Variants in CDH12 observed in about 807,000 individuals in gnomAD.
CDH12 encodes the protein cadherin 12, also known as cadherin-12.
In CDH12, 41 loss-of-function variants were observed where a neutral mutation model predicts 74.1. That is an observed-to-expected ratio of 0.55 (90% CI 0.43 to 0.72). The LOEUF is 0.72. CDH12 is among the 30% of genes least tolerant of loss of function. The pLI, the probability that CDH12 is intolerant of heterozygous loss-of-function variation, is 0.00. For missense variants in CDH12, 945 were observed against 977.2 expected (o/e 0.97, Z 0.44); for synonymous variants, 399 against 355.0 (o/e 1.12, Z -1.39).
intron 8 of CDH12, among the ~76,000 whole-genome samples, chr5:21,826,533 T>G (rs6887681): frequency 6.6e-6 from 1 of 152,040 alleles, no homozygotes. Flanking sequence ...TGCTAACTGG[T>G]CTTCTGACAT....
intron 3 of CDH12, among the ~76,000 whole-genome samples, chr5:22,330,478 C>T (rs778697560): frequency 7.2e-5 from 11 of 152,018 alleles, no homozygotes; most frequent in African/African-American, 1.4e-4. Flanking sequence ...AGGGGCCAAG[C>T]GTGGTGGCTC....
intron 1 of CDH12, among the ~76,000 whole-genome samples, chr5:22,644,504 A>T (rs960581482): frequency 1.3e-5 from 2 of 152,082 alleles, no homozygotes; most frequent in Non-Finnish European, 2.9e-5. Context: ...GAAGCTATAG[A>T]AAAAAGACAG....
At chr5:21,946,484 A>C (rs1436485189) in intron 6 of CDH12, among the ~76,000 whole-genome samples, 1 of 152,218 alleles carries the variant, frequency 6.6e-6, no homozygotes. Context: ...AAAAGTAGTG[A>C]TAGTAAAGAG....
At chr5:22,737,757 T>C (rs554028042) in intron 1 of CDH12, among the ~76,000 whole-genome samples, 8 of 152,016 alleles carry the variant, frequency 5.3e-5, no homozygotes, top group Non-Finnish European at 1.2e-4. Flanking sequence ...GCCTAGAACT[T>C]TTGGTGGGAA....
At chr5:21,825,030 C>T (rs549562790) in intron 8 of CDH12, among the ~76,000 whole-genome samples, 24 of 151,616 alleles carry the variant, frequency 1.6e-4, no homozygotes, top group African/African-American at 5.3e-4. Flanking sequence ...AGTGTGTGCC[C>T]GTAATCCCAG....
intron 3 of CDH12, among the ~76,000 whole-genome samples, chr5:22,273,017 GACTC>G (rs1736469358): frequency 2.0e-5 from 3 of 152,094 alleles, no homozygotes; most frequent in Non-Finnish European, 4.4e-5. Context: ...ACTCTTGTGT[GACTC>G]ACTCACTATC....
intron 2 of CDH12, among the ~76,000 whole-genome samples, chr5:22,463,088 G>T (rs1396349928): frequency 6.6e-6 from 1 of 152,070 alleles, no homozygotes; most frequent in Non-Finnish European, 1.5e-5. Context: ...ATATAATCAA[G>T]AAAGTATCCA....
chr5:22,318,882 G>GA (rs1045201588), intron 3 of CDH12, among the ~76,000 whole-genome samples: 19 of 149,678 alleles, frequency 1.3e-4, no homozygotes, highest in South Asian at 4.2e-4. Flanking sequence ...TCTGGTAGGG[G>GA]AAAAAAAAAC....
chr5:21,987,888 T>C (rs1461221289), intron 5 of CDH12, among the ~76,000 whole-genome samples: 2 of 152,014 alleles, frequency 1.3e-5, no homozygotes, highest in African/African-American at 4.8e-5. Context: ...TTTACCATCT[T>C]TTCTCCCAGT....
At chr5:22,094,361 C>T (rs930452178) in intron 4 of CDH12, among the ~76,000 whole-genome samples, 2 of 152,078 alleles carry the variant, frequency 1.3e-5, no homozygotes, top group African/African-American at 4.8e-5. Flanking sequence ...TTACGGAGAA[C>T]CACAAAGATT....
chr5:22,308,157 G>C (rs914830635), intron 3 of CDH12, among the ~76,000 whole-genome samples: 2 of 152,010 alleles, frequency 1.3e-5, no homozygotes, highest in Non-Finnish European at 2.9e-5. Context: ...TAGGATTACA[G>C]GCGTGAGCCC....
intron 1 of CDH12, among the ~76,000 whole-genome samples, chr5:22,509,563 A>G (rs1736518298): frequency 6.6e-6 from 1 of 152,134 alleles, no homozygotes; most frequent in Non-Finnish European, 1.5e-5. Flanking sequence ...AAGGGTATGA[A>G]TGGCTTCCAT....
chr5:22,328,996 A>C (rs1739238251), intron 3 of CDH12, among the ~76,000 whole-genome samples: 1 of 152,220 alleles, frequency 6.6e-6, no homozygotes, highest in Non-Finnish European at 1.5e-5. Context: ...CTTAGAATAA[A>C]TCCTAGAAAG....
intron 8 of CDH12, among the ~76,000 whole-genome samples, chr5:21,819,157 C>G (rs911608568): frequency 1.3e-5 from 2 of 151,872 alleles, no homozygotes; most frequent in African/African-American, 4.8e-5. Flanking sequence ...TTTCAAATAG[C>G]CTTAATTACA....
chr5:22,082,413 T>C (rs894648293), intron 4 of CDH12, among the ~76,000 whole-genome samples: 1 of 152,140 alleles, frequency 6.6e-6, no homozygotes, highest in Non-Finnish European at 1.5e-5. Context: ...GTCAGTCTGC[T>C]AACCAAGAAG....
At chr5:22,313,194 G>T (rs1017943359) in intron 3 of CDH12, among the ~76,000 whole-genome samples, 3 of 152,130 alleles carry the variant, frequency 2.0e-5, no homozygotes, top group African/African-American at 7.2e-5. Flanking sequence ...TTTGCCCCAA[G>T]GGATTCACAT....
chr5:22,405,533 A>G (rs987647303), intron 2 of CDH12, among the ~76,000 whole-genome samples, 182 bp from the exon 3 acceptor site: 1 of 152,214 alleles, frequency 6.6e-6, no homozygotes, highest in African/African-American at 2.4e-5. Context: ...CAGGCCAAAG[A>G]TAGTAACTCT....
At chr5:22,569,676 C>A (rs1444298423) in intron 1 of CDH12, among the ~76,000 whole-genome samples, 2 of 152,160 alleles carry the variant, frequency 1.3e-5, no homozygotes, top group Non-Finnish European at 2.9e-5. Context: ...ATTAGATTAT[C>A]CATTAAGAAG....
Position 21,752,067 on chromosome 5 carries a change from C to A in CDH12, c.2055G>T (p.Glu685Asp). The change falls in exon 15 of 15, where the codon GAG becomes GAT. Residue 685 changes from glutamate (E) to aspartate (D), a missense_variant. By Grantham distance (45) the Glu-to-Asp change is conservative. Transcript: ENST00000382254. ...IGALRNPKVI[E>D]ENKIRRDIKP... ...TTATATCCCTGCGAATTTTGTTCTC[C>A]TCAATCACTTTTGGGTTTCTCAGAG... 6.2e-7 allele frequency: 1 copy of A among 1,614,070 alleles called. No homozygotes were observed. The highest frequency in any genetic ancestry group is 2.2e-5 in the East Asian group (1 of 44,878).
Sources: allele counts gnomAD v4.1 joint callset (sites outside exome capture counted in the v4.1 genomes callset), GRCh38; gene constraint gnomAD v4.1.1; transcripts MANE v1.5; gene names NCBI Gene and HGNC (gene_info 2026-07-23, HGNC 2026-07-21).